The following PREX2 variants were observed in gnomAD, a reference collection of about 807,000 sequenced individuals.
The protein encoded by PREX2 is phosphatidylinositol 3,4,5-trisphosphate-dependent Rac exchanger 2 protein.
Under a neutral mutation model 203.2 loss-of-function variants are expected in PREX2, and 107 were observed. The ratio of observed to expected loss-of-function variants is 0.53; its 90% CI spans 0.45 to 0.62. The LOEUF (loss-of-function observed/expected upper bound fraction) is 0.62. Ranked by LOEUF, PREX2 falls within the 20% of genes least tolerant of loss-of-function variation. PREX2 has a pLI of 0.00. For missense variants in PREX2, 1,777 were observed against 1,955.9 expected (o/e 0.91, Z 1.72); for synonymous variants, 672 against 663.6 (o/e 1.01, Z -0.19).
intron 32 of PREX2, among the ~76,000 whole-genome samples, chr8:68,136,085 A>G (rs976339152): frequency 6.6e-6 from 1 of 152,184 alleles, no homozygotes; most frequent in African/African-American, 2.4e-5. Flanking sequence ...GGGGGCAGGA[A>G]AATGAGGAGT....
At chr8:68,172,815 C>T (rs917838748) in intron 35 of PREX2, among the ~76,000 whole-genome samples, 5 of 152,176 alleles carry the variant, frequency 3.3e-5, no homozygotes, top group African/African-American at 1.2e-4. Flanking sequence ...CCAGAATCAA[C>T]ATATTTTCTT....
chr8:68,076,928 C>A (rs1210062329), intron 14 of PREX2, among the ~76,000 whole-genome samples: 1 of 151,948 alleles, frequency 6.6e-6, no homozygotes, highest in Non-Finnish European at 1.5e-5. Context: ...TACAAGTCAT[C>A]GTAGATTAAT....
intron 35 of PREX2, among the ~76,000 whole-genome samples, chr8:68,180,880 A>G (rs1812071660): frequency 6.6e-6 from 1 of 152,064 alleles, no homozygotes; most frequent in Admixed American, 6.6e-5. Flanking sequence ...AGAAATTTGA[A>G]TGGAAAAGGA....
intron 6 of PREX2, among the ~76,000 whole-genome samples, chr8:68,035,159 G>A (rs186501829): frequency 1.3e-4 from 19 of 151,862 alleles, no homozygotes; most frequent in Admixed American, 1.2e-3. Context: ...TTTTGGGGAG[G>A]GTCAAACATT....
chr8:67,956,976 G>A (rs937751869), intron 1 of PREX2, among the ~76,000 whole-genome samples: 1 of 152,124 alleles, frequency 6.6e-6, no homozygotes, highest in African/African-American at 2.4e-5. Flanking sequence ...TCGTAGAAGG[G>A]AGAACAATAG....
At chr8:67,995,796 A>C (rs1407344991) in intron 1 of PREX2, among the ~76,000 whole-genome samples, 1 of 152,180 alleles carries the variant, frequency 6.6e-6, no homozygotes, top group Non-Finnish European at 1.5e-5. Context: ...GAATGTTCCA[A>C]CATGAGTCTT....
intron 16 of PREX2, 76 bp from the exon 17 acceptor site, chr8:68,080,670 A>C (rs1003506004): frequency 1.4e-6 from 2 of 1,434,690 alleles, no homozygotes; most frequent in African/African-American, 2.9e-5. Context: ...ACGGTGATGC[A>C]CATTACTTCG....
chr8:68,066,788 C>A (rs1030079280), intron 11 of PREX2, among the ~76,000 whole-genome samples: 1 of 152,026 alleles, frequency 6.6e-6, no homozygotes, highest in Non-Finnish European at 1.5e-5. Context: ...GGGGTCCTCT[C>A]CAAAAATTAT....
intron 1 of PREX2, among the ~76,000 whole-genome samples, chr8:68,012,080 A>C (rs1344881069): frequency 6.6e-6 from 1 of 152,116 alleles, no homozygotes; most frequent in African/African-American, 2.4e-5. Context: ...CCAAGTATTA[A>C]ATATCTTCAA....
intron 11 of PREX2, among the ~76,000 whole-genome samples, chr8:68,065,587 G>T (rs896298067): frequency 4.6e-5 from 7 of 152,090 alleles, no homozygotes; most frequent in Admixed American, 4.6e-4. Flanking sequence ...CAAGTCTTTT[G>T]ACTTTCTTCT....
At chr8:67,964,163 G>T (rs1805706908) in intron 1 of PREX2, among the ~76,000 whole-genome samples, 1 of 152,192 alleles carries the variant, frequency 6.6e-6, no homozygotes, top group African/African-American at 2.4e-5. Context: ...GCCCTAGGGG[G>T]ACAGAGGGTG....
chr8:68,152,025 C>T (rs62522696), intron 34 of PREX2, among the ~76,000 whole-genome samples: 2,299 of 151,686 alleles, frequency 0.015, 47 homozygotes, highest in East Asian at 0.096. Context: ...CGTGGTGGCT[C>T]ACGCCTGTAA....
intron 1 of PREX2, among the ~76,000 whole-genome samples, chr8:68,006,524 T>C (rs1807099388): frequency 6.6e-6 from 1 of 152,188 alleles, no homozygotes; most frequent in African/African-American, 2.4e-5. Context: ...TTTAGACCAG[T>C]GATCAGCTAC....
rs570294980 is a variant in PREX2, at chr8:68,049,000, G to GT, written c.944-4088dup. On this transcript the variant is annotated intron_variant, in intron 8 of 39. Transcript: ENST00000288368. ...TTGAAAAGAATATAAGAATGTAATA[G>GT]TTTTTTTTTCTAATACATTTTCAAT... Among the ~76,000 whole-genome samples the GT allele has an allele frequency of 1.7e-3, 250 of 150,156 alleles. 1 individual carries two copies. Among genetic ancestry groups the GT allele is most frequent in the African/African-American group, 5.8e-3 (239 of 41,126 alleles).
At chr8:68,123,334 A>T (rs1438284511) in intron 30 of PREX2, among the ~76,000 whole-genome samples, 1 of 152,090 alleles carries the variant, frequency 6.6e-6, no homozygotes, top group African/African-American at 2.4e-5. Context: ...AGAACTATAG[A>T]AGCAAGAGAA....
At chr8:68,117,785 T>G (rs1238386324) in intron 26 of PREX2, among the ~76,000 whole-genome samples, 1 of 152,150 alleles carries the variant, frequency 6.6e-6, no homozygotes, top group Non-Finnish European at 1.5e-5. Context: ...TGCTAAAAGC[T>G]CTGAGGTGGA....
At chr8:68,025,527 C>T (rs1401451984) in intron 4 of PREX2, among the ~76,000 whole-genome samples, 2 of 151,942 alleles carry the variant, frequency 1.3e-5, no homozygotes, top group Non-Finnish European at 2.9e-5. Context: ...CTGTTTGAAT[C>T]TATAGATTAA....
intron 1 of PREX2, among the ~76,000 whole-genome samples, chr8:67,959,037 G>A (rs1335893661): frequency 6.6e-6 from 1 of 152,166 alleles, no homozygotes; most frequent in African/African-American, 2.4e-5. Flanking sequence ...GAGTGAGATG[G>A]CATAAGGAGA....
At chr8:68,071,792 T>C (rs941194386) in intron 13 of PREX2, among the ~76,000 whole-genome samples, 4 of 152,134 alleles carry the variant, frequency 2.6e-5, no homozygotes, top group African/African-American at 7.2e-5. Flanking sequence ...TCTTAGTGTG[T>C]CTACTTCAGG....
Sources: allele counts gnomAD v4.1 joint callset (sites outside exome capture counted in the v4.1 genomes callset), GRCh38; gene constraint gnomAD v4.1.1; transcripts MANE v1.5; gene names NCBI Gene and HGNC (gene_info 2026-07-23, HGNC 2026-07-21).